SPIDR: variants seen among roughly 807,000 people sequenced by gnomAD.
SPIDR encodes the protein DNA repair-scaffolding protein.
Under a neutral mutation model 104.6 loss-of-function variants are expected in SPIDR, and 93 were observed. That is an observed-to-expected ratio of 0.89 (90% CI 0.75 to 1.06). The LOEUF is 1.06. Ranked by LOEUF, SPIDR falls within the 50% of genes least tolerant of loss-of-function variation. The pLI, the probability that SPIDR is intolerant of heterozygous loss-of-function variation, is 0.00. For synonymous variants in SPIDR, 431 were observed against 416.9 expected, an observed-to-expected ratio of 1.03 and a Z score of -0.41; for missense variants, 1,154 against 1,111.2, an observed-to-expected ratio of 1.04 and a Z score of -0.55.
chr8:47,389,728 A>C (rs1224174296), intron 5 of SPIDR, among the ~76,000 whole-genome samples: 1 of 151,934 alleles, frequency 6.6e-6, no homozygotes, highest in Non-Finnish European at 1.5e-5. Flanking sequence ...ATGGAACAAA[A>C]ATTTCGCCCA....
At chr8:47,539,560 A>G (rs1250172791) in intron 8 of SPIDR, among the ~76,000 whole-genome samples, 3 of 152,076 alleles carry the variant, frequency 2.0e-5, no homozygotes, top group Non-Finnish European at 2.9e-5. Flanking sequence ...AGCATTTCAT[A>G]TGTCCTTTTT....
Position 47,364,227 on chromosome 8 carries a change from C to G in SPIDR, c.526-32149C>G, listed in dbSNP as rs758898836. On this transcript the variant is annotated intron_variant, in intron 5 of 19. Transcript: ENST00000297423. The stretch of plus-strand genomic sequence containing the variant: ...GGCTTGAAACTGACCTCAGCCTCTT[C>G]TAGACTCTCACAGGGCTTCTGCCTT... Among the ~76,000 whole-genome samples, 202 of 152,348 alleles carry G rather than the reference C, an allele frequency of 1.3e-3. 3 individuals are homozygous for G. Among genetic ancestry groups the G allele is most frequent in the Non-Finnish European group, 2.0e-3 (134 of 68,020 alleles).
rs947562909 is a variant in SPIDR, at chr8:47,317,030, G to A, written c.525+23000G>A. ...GTCTAGAGCTCCCAGCTTGAGCGAC[G>A]TAGAAGACGAGTGATTTCTGCATTT... On this transcript the variant is annotated intron_variant, in intron 5 of 19. Coordinates refer to ENST00000297423, the MANE Select transcript of SPIDR (RefSeq NM_001080394.4). 5.0e-4 allele frequency among the ~76,000 whole-genome samples: 76 copies of A among 152,286 alleles called. 1 individual carries two copies. Among genetic ancestry groups the A allele is most frequent in the Admixed American group, 2.5e-3 (38 of 15,288 alleles).
intron 5 of SPIDR, among the ~76,000 whole-genome samples, chr8:47,331,782 G>A (rs537536078): frequency 7.7e-4 from 116 of 151,412 alleles, no homozygotes; most frequent in Non-Finnish European, 1.3e-3. Flanking sequence ...TGACTCTTTA[G>A]TAATACCACT....
intron 8 of SPIDR, among the ~76,000 whole-genome samples, chr8:47,570,537 C>G (rs2058384523): frequency 2.0e-5 from 3 of 151,816 alleles, no homozygotes; most frequent in African/African-American, 7.3e-5. Context: ...AAAGCATAAG[C>G]AATAAAAGGA....
At chr8:47,319,566 T>C (rs1266819919) in intron 5 of SPIDR, among the ~76,000 whole-genome samples, 9 of 152,180 alleles carry the variant, frequency 5.9e-5, no homozygotes, top group Admixed American at 6.5e-5. Context: ...GATATCCAGG[T>C]ATTGTACTCA....
intron 6 of SPIDR, among the ~76,000 whole-genome samples, chr8:47,402,372 G>A (rs928864181): frequency 2.0e-5 from 3 of 152,096 alleles, no homozygotes; most frequent in African/African-American, 4.8e-5. Context: ...AACTGAAGGA[G>A]ATAGAGACAA....
In SPIDR at chr8:47,673,766, C is replaced by G. The variant is rs1049850083; in HGVS notation, c.1545-35C>G. ...TTGATCTCTGTATTAATCCAAACTG[C>G]CTCCTCAAAGACAAATGTGAATGGT... On this transcript the variant is annotated intron_variant, in intron 10 of 19. Coordinates refer to ENST00000297423, the MANE Select transcript of SPIDR (RefSeq NM_001080394.4). The G allele has an allele frequency of 1.9e-6, 3 of 1,613,618 alleles. No homozygotes were observed. In the African/African-American group the frequency reaches 4.0e-5, roughly 22 times the overall value.
intron 8 of SPIDR, among the ~76,000 whole-genome samples, chr8:47,518,756 C>A (rs2083541334): frequency 6.6e-6 from 1 of 151,918 alleles, no homozygotes; most frequent in South Asian, 2.1e-4. Context: ...CCTGCCTCAG[C>A]CTCCCAAGTA....
At chr8:47,502,886 C>G (rs2080769739) in intron 8 of SPIDR, among the ~76,000 whole-genome samples, 4 of 152,184 alleles carry the variant, frequency 2.6e-5, no homozygotes, top group Admixed American at 2.6e-4. Context: ...GCCTTCATTT[C>G]GTTATGTACT....
At chr8:47,556,291 A>G (rs2091313415) in intron 8 of SPIDR, among the ~76,000 whole-genome samples, 1 of 152,180 alleles carries the variant, frequency 6.6e-6, no homozygotes, top group Admixed American at 6.5e-5. Flanking sequence ...AGCTTCCCTA[A>G]TGATTGTTCC....
At chr8:47,449,786 G>A (rs1474433253) in intron 8 of SPIDR, among the ~76,000 whole-genome samples, 1 of 152,210 alleles carries the variant, frequency 6.6e-6, no homozygotes, top group African/African-American at 2.4e-5. Context: ...AGGAGGAAGT[G>A]AAGTTAGATG....
chr8:47,287,387 G>T (rs2039046731), intron 3 of SPIDR, among the ~76,000 whole-genome samples: 2 of 152,054 alleles, frequency 1.3e-5, no homozygotes, highest in African/African-American at 4.8e-5. Context: ...CAGAAAACAG[G>T]GTTGGAGAGC....
chr8:47,634,502 G>A (rs2067582741), intron 10 of SPIDR, among the ~76,000 whole-genome samples: 1 of 152,056 alleles, frequency 6.6e-6, no homozygotes, highest in African/African-American at 2.4e-5. Flanking sequence ...AAATACAAAA[G>A]TGAGAAAGGA....
Sources: gnomAD v4.1 joint callset for allele counts (sites outside exome capture counted in the v4.1 genomes callset) on GRCh38, gnomAD v4.1.1 for gene constraint, MANE v1.5 for transcripts, NCBI Gene and HGNC (gene_info 2026-07-23, HGNC 2026-07-21) for gene names.